STPG2: variants seen among roughly 807,000 people sequenced by gnomAD.
STPG2 encodes the protein sperm-tail PG-rich repeat-containing protein 2.
A neutral mutation model predicts 54.2 loss-of-function variants in STPG2; 56 were observed. That is an observed-to-expected ratio of 1.03 (90% confidence interval 0.83 to 1.29). The LOEUF (loss-of-function observed/expected upper bound fraction) is 1.29, where lower values mean the gene tolerates loss of function less well. Among genes scored for constraint, STPG2 ranks in the 50% most tolerant of loss-of-function variants. STPG2 has a pLI of 0.00. For missense variants in STPG2, 596 were observed against 544.9 expected (o/e 1.09, Z -0.93); for synonymous variants, 200 against 181.8 (o/e 1.10, Z -0.81).
chr4:98,062,492 G>T (rs890322684), intron 5 of STPG2, among the ~76,000 whole-genome samples: 57 of 152,062 alleles, frequency 3.7e-4, no homozygotes, highest in Non-Finnish European at 7.2e-4. Context: ...TTGGAATAAA[G>T]ATATAATAGT....
chr4:97,587,851 C>T (rs997753843), intron 10 of STPG2, among the ~76,000 whole-genome samples: 1 of 151,940 alleles, frequency 6.6e-6, no homozygotes, highest in Non-Finnish European at 1.5e-5. Context: ...CTCCTTAAGT[C>T]TGAATGAATT....
chr4:97,473,223 A>T (rs4116793), intron 4 of STPG2, among the ~76,000 whole-genome samples: 35,639 of 152,130 alleles, frequency 0.23, 9,494 homozygotes, highest in African/African-American at 0.66. Flanking sequence ...AACAGAGAGA[A>T]AACCTTGAAC....
chr4:97,723,901 C>T (rs1169435292), intron 9 of STPG2, among the ~76,000 whole-genome samples: 2 of 152,270 alleles, frequency 1.3e-5, no homozygotes, highest in East Asian at 3.9e-4. Flanking sequence ...CACCTCCAAC[C>T]AGGTCCCTCC....
intron 10 of STPG2, among the ~76,000 whole-genome samples, chr4:97,614,703 C>T (rs1015940170): frequency 2.6e-5 from 4 of 152,122 alleles, no homozygotes; most frequent in African/African-American, 9.7e-5. Context: ...TGTTTCATCT[C>T]CTGTTACAAT....
intron 10 of STPG2, among the ~76,000 whole-genome samples, chr4:97,631,036 A>C (rs555635987): frequency 9.2e-5 from 14 of 151,918 alleles, no homozygotes; most frequent in Non-Finnish European, 1.8e-4. Flanking sequence ...AACTACTCTG[A>C]AAATGATAAC....
At chr4:97,846,941 G>A (rs1728973848) in intron 8 of STPG2, among the ~76,000 whole-genome samples, 1 of 151,936 alleles carries the variant, frequency 6.6e-6, no homozygotes. Context: ...GTATATTCTA[G>A]TCTAAAATTT....
chr4:97,687,789 A>G (rs550138044), intron 10 of STPG2, among the ~76,000 whole-genome samples: 1 of 152,136 alleles, frequency 6.6e-6, no homozygotes, highest in Non-Finnish European at 1.5e-5. Flanking sequence ...TAATTTATAT[A>G]TAACATAAAA....
chr4:97,535,354 C>T (rs935683367), intron 4 of STPG2, among the ~76,000 whole-genome samples: 2 of 152,098 alleles, frequency 1.3e-5, no homozygotes, highest in African/African-American at 4.8e-5. Flanking sequence ...TGTCTTTCTT[C>T]CTTTGTGTAA....
intron 5 of STPG2, among the ~76,000 whole-genome samples, chr4:98,105,595 C>G (rs528264047): frequency 6.6e-6 from 1 of 152,106 alleles, no homozygotes; most frequent in African/African-American, 2.4e-5. Context: ...CAGTTAGAGG[C>G]CTCTTACATC....
At chr4:97,710,774 GA>G (rs1304228592) in intron 10 of STPG2, among the ~76,000 whole-genome samples, 20 of 151,752 alleles carry the variant, frequency 1.3e-4, no homozygotes, top group Non-Finnish European at 4.4e-5. Context: ...GGAAAATTAT[GA>G]AAAAAGTATT....
chr4:97,683,794 A>G (rs1299127080), intron 10 of STPG2, among the ~76,000 whole-genome samples: 4 of 151,830 alleles, frequency 2.6e-5, no homozygotes, highest in Non-Finnish European at 4.4e-5. Context: ...ACTAAATAAA[A>G]GTATATAAAT....
rs546605618 is a variant in STPG2, at chr4:97,906,217, A to C, written c.1044+37680T>G. On this transcript the variant is annotated intron_variant, in intron 8 of 10. Transcript: ENST00000295268. ...CGATCCCACAGAAATACAAACTACT[A>C]TCAGAGAATACTACAAACACCTCTA... is the stretch of plus-strand genomic sequence containing the variant. Among the ~76,000 whole-genome samples, 236 of 152,348 alleles carry C rather than the reference A, an allele frequency of 1.5e-3. 1 individual carries two copies. Among genetic ancestry groups the C allele is most frequent in the African/African-American group, 5.6e-3 (233 of 41,576 alleles).
intron 4 of STPG2, among the ~76,000 whole-genome samples, chr4:97,519,272 G>T (rs1267508121): frequency 2.6e-5 from 4 of 152,070 alleles, no homozygotes; most frequent in Non-Finnish European, 4.4e-5. Context: ...AAGATGGTGG[G>T]AAGGGTGCTT....
In STPG2 at chr4:98,095,009, A is replaced by G. The variant is rs559969682; in HGVS notation, c.612+10944T>C. Among the ~76,000 whole-genome samples, 7 of 152,338 alleles carry G rather than the reference A, an allele frequency of 4.6e-5. No homozygotes were observed. In the South Asian group the frequency reaches 1.4e-3, roughly 32 times the overall value. ...AGACCTAGGTAGTACAATAGGACATAAGGAAAAACAACAAAAAGTTAAAAA... is the reference window on the plus strand; with the variant it reads ...AGACCTAGGTAGTACAATAGGACATGAGGAAAAACAACAAAAAGTTAAAAA... On this transcript the variant is annotated intron_variant, in intron 5 of 10. Coordinates refer to ENST00000295268, the MANE Select transcript of STPG2 (RefSeq NM_174952.3).
chr4:97,556,341 CATA>C (rs1732077641), downstream of STPG2, among the ~76,000 whole-genome samples: 1 of 152,122 alleles, frequency 6.6e-6, no homozygotes, highest in Non-Finnish European at 1.5e-5. Flanking sequence ...TCTTCCTAAT[CATA>C]ATCATCTTGA....
chr4:97,983,037 T>G lies in STPG2; in HGVS notation c.613-1719A>C, dbSNP rs535295036. On this transcript the variant is annotated intron_variant, in intron 5 of 10. Coordinates refer to ENST00000295268, the MANE Select transcript of STPG2 (RefSeq NM_174952.3). The stretch of plus-strand genomic sequence containing the variant: ...CATTAGCTATCTACTTACCTATCTA[T>G]AGTCGACCCTTGAACAACACGGGTT... Among the ~76,000 whole-genome samples the G allele has an allele frequency of 3.9e-5, 6 of 152,308 alleles. No individual in the cohort carries two copies. The South Asian group carries it at 1.2e-3, about 32-fold the overall frequency.
intron 5 of STPG2, among the ~76,000 whole-genome samples, chr4:98,022,291 G>T (rs1457474807): frequency 6.6e-6 from 1 of 150,932 alleles, no homozygotes; most frequent in Non-Finnish European, 1.5e-5. Context: ...TAGTTTGGCT[G>T]GATATGAAAT....
chr4:97,612,249 CAA>C (rs33922653), intron 10 of STPG2, among the ~76,000 whole-genome samples: 1,618 of 140,190 alleles, frequency 0.012, 32 homozygotes, highest in Middle Eastern at 0.061. Context: ...TGTAAAATGG[CAA>C]AAAAAAAAAC....
intron 10 of STPG2, among the ~76,000 whole-genome samples, chr4:97,692,159 C>A (rs1210990096): frequency 1.3e-5 from 2 of 151,918 alleles, no homozygotes; most frequent in African/African-American, 4.8e-5. Context: ...ACAAGCTCAC[C>A]AGCAGTGGAT....
Sources: allele counts gnomAD v4.1 joint callset (sites outside exome capture counted in the v4.1 genomes callset), GRCh38; gene constraint gnomAD v4.1.1; transcripts MANE v1.5; gene names NCBI Gene and HGNC (gene_info 2026-07-23, HGNC 2026-07-21).